The following ROBO1 variants were observed in gnomAD, a reference collection of about 807,000 sequenced individuals.
ROBO1 encodes roundabout homolog 1.
Under a neutral mutation model 195.9 loss-of-function variants are expected in ROBO1, and 149 were observed. The ratio of observed to expected loss-of-function variants is 0.76; its 90% confidence interval spans 0.67 to 0.87. The LOEUF (loss-of-function observed/expected upper bound fraction) is 0.87, where lower values mean the gene tolerates loss of function less well. Ranked by LOEUF, ROBO1 falls within the 40% of genes least tolerant of loss-of-function variation. The pLI is 0.00. For missense variants in ROBO1, 1,933 were observed against 2,068.3 expected (o/e 0.93, Z 1.27); for synonymous variants, 816 against 733.2 (o/e 1.11, Z -1.82).
chr3:78,669,060 T>C lies in ROBO1; in HGVS notation c.1549-495A>G, dbSNP rs1011220922. Among the ~76,000 whole-genome samples the C allele has an allele frequency of 5.9e-5, 9 of 152,284 alleles. No homozygotes were observed. The East Asian group carries it at 1.7e-3, about 29-fold the overall frequency. ...AATTTTTTTCTTAAACTACTGACTT[T>C]TCCGGGTTTTAAAACTTGTAACTTA... On this transcript the variant is annotated intron_variant, in intron 11 of 30. Transcript: ENST00000464233.
At chr3:78,762,363 C>T (rs1234954594) in intron 4 of ROBO1, among the ~76,000 whole-genome samples, 2 of 151,914 alleles carry the variant, frequency 1.3e-5, no homozygotes, top group African/African-American at 4.8e-5. Flanking sequence ...CCCCCTTGAC[C>T]TAAATACTAA....
intron 1 of ROBO1, among the ~76,000 whole-genome samples, chr3:79,679,101 C>T (rs1027168880): frequency 1.3e-5 from 2 of 151,960 alleles, no homozygotes; most frequent in East Asian, 1.9e-4. Context: ...CCACAAATTA[C>T]ACTTCCTCTA....
intron 2 of ROBO1, among the ~76,000 whole-genome samples, chr3:79,232,260 A>ATATATAT (rs201271845): frequency 6.8e-6 from 1 of 147,378 alleles, no homozygotes; most frequent in African/African-American, 2.5e-5. Flanking sequence ...AAAAAAAAAA[A>ATATATAT]ATATATATAT....
chr3:78,667,614 T>A (rs1244672700), intron 14 of ROBO1, among the ~76,000 whole-genome samples: 1 of 152,048 alleles, frequency 6.6e-6, no homozygotes, highest in African/African-American at 2.4e-5. Flanking sequence ...TTCCATCTCC[T>A]CACGTAATAT....
At chr3:78,975,617 T>C (rs2076870306) in intron 3 of ROBO1, among the ~76,000 whole-genome samples, 1 of 152,058 alleles carries the variant, frequency 6.6e-6, no homozygotes, top group African/African-American at 2.4e-5. Context: ...AAAGACTTAG[T>C]AGAGCCAGAC....
intron 19 of ROBO1, among the ~76,000 whole-genome samples, chr3:78,650,129 C>G (rs1200501869): frequency 1.3e-5 from 2 of 152,220 alleles, no homozygotes; most frequent in South Asian, 2.1e-4. Context: ...CACCCTACCC[C>G]TTCCCCACTC....
intron 3 of ROBO1, among the ~76,000 whole-genome samples, chr3:78,949,586 A>G (rs1364758131): frequency 4.6e-5 from 7 of 152,186 alleles, no homozygotes; most frequent in Admixed American, 4.6e-4. Flanking sequence ...AATACCATTC[A>G]GGACATAGGC....
chr3:79,628,664 C>G (rs1423436847), intron 1 of ROBO1, among the ~76,000 whole-genome samples: 1 of 152,156 alleles, frequency 6.6e-6, no homozygotes, highest in East Asian at 1.9e-4. Flanking sequence ...CCTTGAACAA[C>G]AACAATGGCC....
At chr3:79,459,528 A>AT (rs35891802) in intron 2 of ROBO1, among the ~76,000 whole-genome samples, 89,023 of 151,286 alleles carry the variant, frequency 0.59, 26,481 homozygotes, top group African/African-American at 0.63. Flanking sequence ...AAATCTTTTG[A>AT]TTTTTTCCCC....
chr3:78,688,329 C>A (rs2081095062), intron 9 of ROBO1, among the ~76,000 whole-genome samples: 1 of 151,974 alleles, frequency 6.6e-6, no homozygotes, highest in East Asian at 1.9e-4. Flanking sequence ...TTCCAGATAC[C>A]TGAATAATAC....
At chr3:79,441,045 AT>A (rs1376930478) in intron 2 of ROBO1, among the ~76,000 whole-genome samples, 1 of 152,060 alleles carries the variant, frequency 6.6e-6, no homozygotes, top group Non-Finnish European at 1.5e-5. Flanking sequence ...AGTCATGCTT[AT>A]TTTTTTATTG....
At position 79,747,935 on chromosome 3, in the gene ROBO1, T is replaced by C. The variant is rs1015540521; in HGVS notation, c.-51+19817A>G. ...TTGAAATTGTTGGTATGACTAAATA[T>C]ATGAATACATACAATTATTTGTAAT... On this transcript the variant is annotated intron_variant, in intron 1 of 30. Coordinates refer to ENST00000464233, the MANE Select transcript of ROBO1 (RefSeq NM_002941.4). Among the ~76,000 whole-genome samples the C allele has an allele frequency of 3.9e-5, 6 of 152,080 alleles. No individual in the cohort carries two copies. In the East Asian group the frequency reaches 1.2e-3, roughly 29 times the overall value.
chr3:78,898,936 A>G (rs2037421408), intron 4 of ROBO1, among the ~76,000 whole-genome samples: 1 of 152,114 alleles, frequency 6.6e-6, no homozygotes, highest in Non-Finnish European at 1.5e-5. Context: ...GGTGTTGGCA[A>G]AGAGAGACTA....
intron 4 of ROBO1, among the ~76,000 whole-genome samples, chr3:78,892,210 A>C (rs1352285352): frequency 1.3e-5 from 2 of 152,178 alleles, no homozygotes; most frequent in African/African-American, 4.8e-5. Context: ...AAATACAAAA[A>C]TTAGCATTAG....
chr3:79,415,998 CT>C (rs543326043), intron 2 of ROBO1, among the ~76,000 whole-genome samples: 120 of 151,980 alleles, frequency 7.9e-4, no homozygotes, highest in African/African-American at 2.7e-3. Context: ...TGGTAAATAA[CT>C]AAAAAATGTC....
At chr3:79,403,625 G>A (rs1042880551) in intron 2 of ROBO1, among the ~76,000 whole-genome samples, 8 of 151,892 alleles carry the variant, frequency 5.3e-5, no homozygotes, top group Admixed American at 2.6e-4. Flanking sequence ...CTACTTTTGG[G>A]GATTAATTTT....
At chr3:78,925,679 C>G (rs1210907487) in intron 4 of ROBO1, among the ~76,000 whole-genome samples, 1 of 152,100 alleles carries the variant, frequency 6.6e-6, no homozygotes, top group Non-Finnish European at 1.5e-5. Context: ...AAGGTATACA[C>G]AGCGGTGAGA....
chr3:79,388,016 C>T (rs1386659748), intron 2 of ROBO1, among the ~76,000 whole-genome samples: 2 of 152,058 alleles, frequency 1.3e-5, no homozygotes, highest in East Asian at 1.9e-4. Context: ...GTGCCTGATG[C>T]GTATTTGTTA....
intron 2 of ROBO1, among the ~76,000 whole-genome samples, chr3:79,328,772 C>A (rs373899317): frequency 6.6e-6 from 1 of 151,982 alleles, no homozygotes; most frequent in African/African-American, 2.4e-5. Flanking sequence ...ATCCCTCACC[C>A]TCTCCCACCT....
Sources: gnomAD v4.1 joint callset for allele counts (sites outside exome capture counted in the v4.1 genomes callset) on GRCh38, gnomAD v4.1.1 for gene constraint, MANE v1.5 for transcripts, NCBI Gene and HGNC (gene_info 2026-07-23, HGNC 2026-07-21) for gene names.